KCNN2: variants seen among roughly 807,000 people sequenced by gnomAD.
KCNN2 encodes the protein small conductance calcium-activated potassium channel protein 2.
Under a neutral mutation model 55.5 loss-of-function variants are expected in KCNN2, and 24 were observed. The ratio of observed to expected loss-of-function variants is 0.43; its 90% CI spans 0.31 to 0.61. KCNN2 has a LOEUF of 0.61. Among genes scored for constraint, KCNN2 ranks in the 20% least tolerant of loss-of-function variants. The pLI, the probability that KCNN2 is intolerant of heterozygous loss-of-function variation, is 0.08. For missense variants in KCNN2, 754 were observed against 853.6 expected (o/e 0.88, Z 1.45); for synonymous variants, 431 against 336.1 (o/e 1.28, Z -3.09).
At chr5:114,382,534 A>G (rs1362785462) in intron 2 of KCNN2, among the ~76,000 whole-genome samples, 1 of 152,206 alleles carries the variant, frequency 6.6e-6, no homozygotes, top group Non-Finnish European at 1.5e-5. Flanking sequence ...ATGTGATTAC[A>G]TTAGGAGATG....
At chr5:114,064,034 A>G (rs1362373362) in intron 1 of KCNN2, among the ~76,000 whole-genome samples, 1 of 152,178 alleles carries the variant, frequency 6.6e-6, no homozygotes, top group Non-Finnish European at 1.5e-5. Flanking sequence ...TTGTCCGCAG[A>G]TTGGAATCAC....
intron 1 of KCNN2, among the ~76,000 whole-genome samples, chr5:114,101,454 A>G (rs1413989975): frequency 6.9e-6 from 1 of 145,780 alleles, no homozygotes; most frequent in Admixed American, 6.9e-5. Flanking sequence ...TTATTATTAT[A>G]CTTAAGTTCT....
intron 2 of KCNN2, among the ~76,000 whole-genome samples, chr5:114,327,364 C>T (rs960604089): frequency 3.9e-5 from 6 of 152,300 alleles, no homozygotes; most frequent in Admixed American, 1.3e-4. Flanking sequence ...AACCAAGCTG[C>T]CTTTCTAGAA....
intron 1 of KCNN2, among the ~76,000 whole-genome samples, chr5:114,159,031 C>T (rs980419381): frequency 3.3e-5 from 5 of 152,128 alleles, no homozygotes; most frequent in Non-Finnish European, 7.3e-5. Context: ...CCAGAACCTC[C>T]AACACTATGT....
chr5:114,122,495 T>G (rs539695694), intron 1 of KCNN2, among the ~76,000 whole-genome samples: 1 of 152,304 alleles, frequency 6.6e-6, no homozygotes, highest in African/African-American at 2.4e-5. Flanking sequence ...TACGAGCCCA[T>G]GAATTCCTAT....
intron 3 of KCNN2, among the ~76,000 whole-genome samples, chr5:114,410,696 A>G (rs1759104766): frequency 6.6e-6 from 1 of 152,080 alleles, no homozygotes; most frequent in South Asian, 2.1e-4. Context: ...AGCAAAGGTG[A>G]GTTAGGTATT....
intron 2 of KCNN2, among the ~76,000 whole-genome samples, chr5:114,315,841 C>A (rs1366469734): frequency 6.6e-6 from 1 of 152,030 alleles, no homozygotes; most frequent in Non-Finnish European, 1.5e-5. Context: ...ATAGAGAAGC[C>A]TTTCTGTGGA....
intron 2 of KCNN2, among the ~76,000 whole-genome samples, chr5:114,332,620 T>A (rs1176588773): frequency 1.3e-5 from 2 of 152,198 alleles, no homozygotes; most frequent in East Asian, 3.8e-4. Context: ...CTGGCCACCC[T>A]GCAGTTACAG....
chr5:114,082,324 T>TA lies in KCNN2; in HGVS notation c.-271+25838dup, dbSNP rs1330850146. 1.8e-3 allele frequency among the ~76,000 whole-genome samples: 243 copies of TA among 136,900 alleles called. 2 individuals are homozygous for TA. Among genetic ancestry groups the TA allele is most frequent in the East Asian group, 5.2e-3 (25 of 4,804 alleles). 89.8% of individuals were successfully genotyped at this position (136,900 alleles called of 152,430 possible). On this transcript the variant is annotated intron_variant, in intron 1 of 10. Transcript: ENST00000512097. The stretch of plus-strand genomic sequence containing the variant: ...GGGTGATAGAGTGAGACCGTATCTT[T>TA]AAAAAAAAAAAAAAGAAAAAGATGC...
intron 2 of KCNN2, among the ~76,000 whole-genome samples, chr5:114,237,902 C>T (rs1754537183): frequency 6.6e-6 from 1 of 152,134 alleles, no homozygotes; most frequent in Non-Finnish European, 1.5e-5. Context: ...GCCCCGTGGC[C>T]TTTTAGGTTG....
chr5:114,184,384 TAAATC>T (rs1753291875), intron 1 of KCNN2, among the ~76,000 whole-genome samples: 1 of 152,162 alleles, frequency 6.6e-6, no homozygotes, highest in African/African-American at 2.4e-5. Flanking sequence ...TAAAGTGACT[TAAATC>T]AAAATATCAT....
intron 2 of KCNN2, among the ~76,000 whole-genome samples, chr5:114,227,994 CGATGATGATGATGAT>C (rs67331767): frequency 6.6e-6 from 1 of 151,434 alleles, no homozygotes; most frequent in African/African-American, 2.4e-5. Flanking sequence ...ATGATGATGA[CGATGATGATGATGAT>C]GATGATGATG....
chr5:114,125,072 C>T (rs1751903206), intron 1 of KCNN2, among the ~76,000 whole-genome samples: 1 of 152,150 alleles, frequency 6.6e-6, no homozygotes, highest in Admixed American at 6.5e-5. Context: ...AATAAAACCT[C>T]AACTAAAAGG....
intron 1 of KCNN2, among the ~76,000 whole-genome samples, chr5:114,217,692 G>A (rs1428572262): frequency 2.0e-5 from 3 of 152,118 alleles, no homozygotes; most frequent in South Asian, 2.1e-4. Context: ...CTTGGGTGTG[G>A]TCATGGCTTT....
chr5:114,232,085 G>A (rs1353199864), intron 2 of KCNN2, among the ~76,000 whole-genome samples: 1 of 150,912 alleles, frequency 6.6e-6, no homozygotes, highest in Admixed American at 6.6e-5. Flanking sequence ...AAAAATTATG[G>A]GAATCCCAGT....
chr5:114,452,433 A>G (rs1760733917), intron 3 of KCNN2, among the ~76,000 whole-genome samples: 1 of 152,110 alleles, frequency 6.6e-6, no homozygotes. Flanking sequence ...ACTCCTTGCA[A>G]CCAGTTTTCT....
intron 1 of KCNN2, among the ~76,000 whole-genome samples, chr5:114,059,607 G>A (rs1750284499): frequency 6.6e-6 from 1 of 152,216 alleles, no homozygotes; most frequent in Non-Finnish European, 1.5e-5. Context: ...TGGGTAACTA[G>A]CCCAGGTTTC....
chr5:114,175,183 C>A (rs1736185327), intron 1 of KCNN2, among the ~76,000 whole-genome samples: 1 of 152,112 alleles, frequency 6.6e-6, no homozygotes, highest in African/African-American at 2.4e-5. Context: ...CAATTGCTAT[C>A]TCTTTAGGCT....
At chr5:114,469,584 G>C (rs1275227811) in intron 4 of KCNN2, among the ~76,000 whole-genome samples, 1 of 152,146 alleles carries the variant, frequency 6.6e-6, no homozygotes, top group East Asian at 1.9e-4. Flanking sequence ...AGTCCCAACT[G>C]TTTCTACATC....
Sources: allele counts gnomAD v4.1 joint callset (sites outside exome capture counted in the v4.1 genomes callset), GRCh38; gene constraint gnomAD v4.1.1; transcripts MANE v1.5; gene names NCBI Gene and HGNC (gene_info 2026-07-23, HGNC 2026-07-21).